Variants in EPHX2 observed in about 807,000 individuals in gnomAD.
EPHX2 encodes bifunctional epoxide hydrolase 2.
Under a neutral mutation model 78.7 loss-of-function variants are expected in EPHX2, and 74 were observed. The ratio of observed to expected loss-of-function variants is 0.94; its 90% confidence interval spans 0.78 to 1.14. The LOEUF is 1.14. EPHX2 is among the 50% of genes most tolerant of loss of function. The probability of loss-of-function intolerance (pLI) is 0.00; values close to 1 mark genes in which losing one functional copy is unlikely to be tolerated. For missense variants in EPHX2, 715 were observed against 702.5 expected (o/e 1.02, Z -0.20); for synonymous variants, 251 against 255.2 (o/e 0.98, Z 0.16).
chr8:27,500,585 A>G (rs926781439), intron 1 of EPHX2, among the ~76,000 whole-genome samples: 1 of 152,178 alleles, frequency 6.6e-6, no homozygotes, highest in African/African-American at 2.4e-5. Flanking sequence ...CTTTGAGACC[A>G]TGCCTGGTGC....
Position 27,544,260 on chromosome 8 carries a change from G to T in EPHX2, c.1589+16G>T. Reference sequence around the variant, plus strand: ...AGATGGACAAGTAAGGAGGTTGGGGGCTCCTGGGGTCGGGGAGAGCAGGGC... The same window carrying T: ...AGATGGACAAGTAAGGAGGTTGGGGTCTCCTGGGGTCGGGGAGAGCAGGGC... On this transcript the variant is annotated intron_variant, in intron 18 of 18. Transcript: ENST00000521400. 2 of 1,613,778 alleles carry T rather than the reference G, an allele frequency of 1.2e-6. No homozygotes were observed. Among genetic ancestry groups the T allele is most frequent in the Non-Finnish European group, 1.7e-6 (2 of 1,179,650 alleles).
Position 27,503,632 on chromosome 8 carries a change from G to T in EPHX2, c.215G>T (p.Arg72Met), listed in dbSNP as rs780162329. The change falls in exon 3 of 19, where the codon AGG (arginine) becomes ATG (methionine). Residue 72 changes from arginine (R) to methionine (M), a missense_variant. Arg to Met is a moderately conservative substitution (Grantham distance 91). Transcript: ENST00000521400. Reference protein sequence around the residue: ...QWIPLMEENCRKCSETAKVCL... With the variant: ...QWIPLMEENCMKCSETAKVCL... ...ATACCACTCATGGAAGAAAACTGCAGGAAGTGCTCCGAGACCGCTAAAGTC... is the reference window on the plus strand; with the variant it reads ...ATACCACTCATGGAAGAAAACTGCATGAAGTGCTCCGAGACCGCTAAAGTC... 5 of 1,612,830 alleles carry T rather than the reference G, an allele frequency of 3.1e-6. No individual in the cohort carries two copies. Among genetic ancestry groups the T allele is most frequent in the Non-Finnish European group, 4.2e-6 (5 of 1,179,542 alleles).
rs1278003070 is a variant in EPHX2 at position 27,540,551 on chromosome 8, CAGG to C, written c.1279_1281del (p.Gly427del). On this transcript the variant is annotated splice_acceptor_variant and coding_sequence_variant, in exon 15 of 19. Coordinates refer to ENST00000521400, the MANE Select transcript of EPHX2 (RefSeq NM_001979.6). LOFTEE classifies it high-confidence loss of function. ...GAAAGTCAACAAGTGGCTTTTTTTGCAGGAGGACTTTTTGTAAATAGCCCAGAA... is the reference window on the plus strand; with the variant it reads ...GAAAGTCAACAAGTGGCTTTTTTTGCAGGACTTTTTGTAAATAGCCCAGAA... The C allele has an allele frequency of 1.2e-6, 2 of 1,613,596 alleles. No homozygotes were observed. Among genetic ancestry groups the C allele is most frequent in the Non-Finnish European group, 1.7e-6 (2 of 1,179,800 alleles).
At chr8:27,491,341 G>GT (rs1813370973) in intron 1 of EPHX2, 32 bp downstream of exon 1, 2 of 1,428,408 alleles carry the variant, frequency 1.4e-6, no homozygotes, top group Non-Finnish European at 1.8e-6. Context: ...GCCGCAGTGG[G>GT]TCGGGGCCTC....
chr8:27,530,640 A>T (rs1585215197), intron 12 of EPHX2, among the ~76,000 whole-genome samples: 3 of 152,266 alleles, frequency 2.0e-5, no homozygotes, highest in South Asian at 4.1e-4. Flanking sequence ...GGATTATGTA[A>T]TCCTCTGTGG....
At chr8:27,508,497 C>G (rs1270919721) in intron 5 of EPHX2, among the ~76,000 whole-genome samples, 2 of 152,164 alleles carry the variant, frequency 1.3e-5, no homozygotes, top group Non-Finnish European at 2.9e-5. Context: ...CCTGCAAGTC[C>G]CAGGCAACAG....
chr8:27,495,767 C>T (rs1813550299), intron 1 of EPHX2, among the ~76,000 whole-genome samples: 1 of 152,232 alleles, frequency 6.6e-6, no homozygotes, highest in Non-Finnish European at 1.5e-5. Context: ...AGGTATGCCA[C>T]TGGTTGTGGG....
intron 1 of EPHX2, among the ~76,000 whole-genome samples, chr8:27,495,437 G>A (rs1453219351): frequency 6.6e-6 from 1 of 152,156 alleles, no homozygotes; most frequent in East Asian, 1.9e-4. Flanking sequence ...TAGCTAAGGG[G>A]ACTTCTAAGA....
intron 1 of EPHX2, among the ~76,000 whole-genome samples, chr8:27,500,288 G>A (rs942686713): frequency 2.0e-5 from 3 of 152,012 alleles, no homozygotes; most frequent in Admixed American, 6.5e-5. Flanking sequence ...CATGTAACAC[G>A]TGCCTTGCTT....
At chr8:27,515,589 C>A in intron 6 of EPHX2, 129 bp from the exon 7 acceptor site, 1 of 729,944 alleles carries the variant, frequency 1.4e-6, no homozygotes, top group Non-Finnish European at 2.3e-6. Flanking sequence ...GGGTCTTTCA[C>A]TGAGAAATCT....
At chr8:27,501,811 CTG>C (rs1298716105) in intron 2 of EPHX2, among the ~76,000 whole-genome samples, 1 of 152,026 alleles carries the variant, frequency 6.6e-6, no homozygotes, top group African/African-American at 2.4e-5. Context: ...TTCTGATAGT[CTG>C]TGTGTAACTT....
At chr8:27,534,115 C>T (rs1291395891) in intron 12 of EPHX2, among the ~76,000 whole-genome samples, 2 of 152,182 alleles carry the variant, frequency 1.3e-5, no homozygotes, top group Non-Finnish European at 2.9e-5. Flanking sequence ...CCTAAATGTG[C>T]TTCTTCCCAT....
intron 6 of EPHX2, among the ~76,000 whole-genome samples, chr8:27,514,439 C>T (rs767577840): frequency 3.3e-5 from 5 of 152,156 alleles, no homozygotes; most frequent in Non-Finnish European, 7.3e-5. Context: ...CCTTTAGGAT[C>T]GTGGAGATAT....
At chr8:27,506,189 A>G (rs953669469) in intron 4 of EPHX2, among the ~76,000 whole-genome samples, 4 of 152,050 alleles carry the variant, frequency 2.6e-5, no homozygotes, top group Non-Finnish European at 4.4e-5. Flanking sequence ...GGGTCTCACT[A>G]TATTGTTCAT....
chr8:27,517,315 A>G lies in EPHX2; in HGVS notation c.911-723A>G, dbSNP rs115983551. Among the ~76,000 whole-genome samples the G allele has an allele frequency of 3.4e-3, 515 of 152,270 alleles. 5 individuals are homozygous for G. Among genetic ancestry groups the G allele is most frequent in the African/African-American group, 0.012 (491 of 41,534 alleles). On this transcript the variant is annotated intron_variant, in intron 8 of 18. Transcript: ENST00000521400. ...TTGATTTGGGTACTCATATGACCCA[A>G]AGTAACCTACAGATGCAATGCAATC...
intron 10 of EPHX2, among the ~76,000 whole-genome samples, chr8:27,522,150 C>T (rs562160938): frequency 2.6e-5 from 4 of 151,476 alleles, no homozygotes; most frequent in East Asian, 3.9e-4. Context: ...AAGAAAAGAA[C>T]GAAAGAAAAT....
chr8:27,521,238 C>G (rs537519162), intron 10 of EPHX2, among the ~76,000 whole-genome samples: 1 of 152,334 alleles, frequency 6.6e-6, no homozygotes, highest in African/African-American at 2.4e-5. Context: ...GCTCTTTAAA[C>G]TTTCATCCCT....
chr8:27,516,919 ATTT>A (rs1255634079), intron 8 of EPHX2, among the ~76,000 whole-genome samples: 2 of 131,566 alleles, frequency 1.5e-5, no homozygotes, highest in Non-Finnish European at 1.6e-5. Context: ...TTTCCTTCCT[ATTT>A]TTTTTTTTTT....
rs865834998 is a variant in EPHX2, at chr8:27,541,620, T to A, written c.1449+78T>A. The A allele has an allele frequency of 8.0e-6, 12 of 1,496,900 alleles. No homozygotes were observed. The Middle Eastern group carries it at 2.2e-3, about 272-fold the overall frequency. 92.7% of individuals were successfully genotyped at this position (1,496,900 alleles called of 1,614,324 possible). A position where few individuals can be genotyped will look rare whatever the true frequency, so the allele number is the denominator to read the frequency against. On this transcript the variant is annotated intron_variant, in intron 16 of 18. Coordinates refer to ENST00000521400, the MANE Select transcript of EPHX2 (RefSeq NM_001979.6). ...GGCTTCCCATTGGCCTGAGCTGATA[T>A]GACCTGGGCCAGAGCTGGTTGTGGA...
Sources: gnomAD v4.1 joint callset for allele counts (sites outside exome capture counted in the v4.1 genomes callset) on GRCh38, gnomAD v4.1.1 for gene constraint, MANE v1.5 for transcripts, NCBI Gene and HGNC (gene_info 2026-07-23, HGNC 2026-07-21) for gene names.